The following ARHGEF33 variants were observed in gnomAD, a reference collection of about 807,000 sequenced individuals.
ARHGEF33 encodes the protein DH and coiled-coil domain-containing protein ENSP00000381780.
Under a neutral mutation model 101.9 loss-of-function variants are expected in ARHGEF33, and 72 were observed. That is an observed-to-expected ratio of 0.71 (90% CI 0.58 to 0.86). The LOEUF (loss-of-function observed/expected upper bound fraction) is 0.86. Ranked by LOEUF, ARHGEF33 falls within the 40% of genes least tolerant of loss-of-function variation. ARHGEF33 has a pLI of 0.00. For missense variants in ARHGEF33, 1,169 were observed against 1,111.3 expected (o/e 1.05, Z -0.74); for synonymous variants, 499 against 442.5 (o/e 1.13, Z -1.60).
chr2:38,919,586 TATC>T lies in ARHGEF33; in HGVS notation c.25+120_25+122del, dbSNP rs1211316158. 15 of 1,063,852 alleles carry T rather than the reference TATC, an allele frequency of 1.4e-5. No individual in the cohort carries two copies. In the African/African-American group the frequency reaches 2.0e-4, roughly 15 times the overall value. The allele number at this position is 1,063,852 out of a possible 1,614,324, so 65.9% of individuals were successfully genotyped here. On this transcript the variant is annotated intron_variant, in intron 3 of 17. Coordinates refer to ENST00000409978, the MANE Select transcript of ARHGEF33 (RefSeq NM_001145451.5). ...AGTATGTTAACTATTTTCATTTCCC[TATC>T]ATCATATAATGACTATGAAGAATAT...
intron 3 of ARHGEF33, 120 bp downstream of exon 3, chr2:38,919,592 CAT>C: frequency 1.9e-6 from 2 of 1,026,018 alleles, no homozygotes; most frequent in Admixed American, 4.1e-5. Flanking sequence ...TCCCTATCAT[CAT>C]ATAATGACTA....
Position 38,960,231 on chromosome 2 carries a change from C to G in ARHGEF33, c.1926C>G (p.Asn642Lys), listed in dbSNP as rs1218234261. 6.5e-7 allele frequency: 1 copy of G among 1,547,754 alleles called. No individual in the cohort carries two copies. Among genetic ancestry groups the G allele is most frequent in the Admixed American group, 2.0e-5 (1 of 50,924 alleles). Residue 642 changes from asparagine to lysine, a missense_variant, in exon 16 of 18, where the codon AAC (asparagine) becomes AAG (lysine). Asn to Lys is a moderately conservative substitution (Grantham distance 94, BLOSUM62 0). Transcript: ENST00000409978. ...EPFQAPALFE[N>K]CSPASSESSL... is the part of the protein sequence containing the mutation. ...TCCAGGCTCCGGCCCTCTTCGAGAA[C>G]TGCTCGCCTGCCTCCTCCGAGTCCA...
intron 9 of ARHGEF33, among the ~76,000 whole-genome samples, chr2:38,941,929 C>A (rs914367582): frequency 6.6e-6 from 1 of 151,368 alleles, no homozygotes; most frequent in Admixed American, 6.6e-5. Context: ...TGTGATATGC[C>A]TTGTAATGAT....
chr2:38,906,609 A>C (rs1666397088), intron 2 of ARHGEF33, among the ~76,000 whole-genome samples: 1 of 152,038 alleles, frequency 6.6e-6, no homozygotes, highest in Non-Finnish European at 1.5e-5. Context: ...TGATCAACAA[A>C]AATGTTGACT....
At position 38,898,746 on chromosome 2, in the gene ARHGEF33, T is replaced by C. The variant is rs1479498995; in HGVS notation, c.-86+2897T>C. Among the ~76,000 whole-genome samples the C allele has an allele frequency of 2.0e-5, 3 of 152,340 alleles. 1 individual carries two copies. The highest frequency in any genetic ancestry group is 2.0e-4 in the Admixed American group (3 of 15,300). ...TCATAAAGTCTCAAGGATATTTCACTTGATAAATACATCTTATTTATTATT... is the reference window on the plus strand; with the variant it reads ...TCATAAAGTCTCAAGGATATTTCACCTGATAAATACATCTTATTTATTATT... On this transcript the variant is annotated intron_variant, in intron 2 of 17. Transcript: ENST00000409978.
At chr2:38,915,774 C>T (rs1193037039) in intron 2 of ARHGEF33, among the ~76,000 whole-genome samples, 1 of 152,102 alleles carries the variant, frequency 6.6e-6, no homozygotes, top group Non-Finnish European at 1.5e-5. Context: ...TGCCTGTAAT[C>T]CCAACATTTT....
At position 38,911,385 on chromosome 2, in the gene ARHGEF33, CAA is replaced by C. The variant is rs150789875; in HGVS notation, c.-85-7977_-85-7976del. ...AAGGACACTGAAATGGAAATTAACT[CAA>C]GTCTGCTTTCAATTAATTTCAATTC... On this transcript the variant is annotated intron_variant, in intron 2 of 17. Coordinates refer to ENST00000409978, the MANE Select transcript of ARHGEF33 (RefSeq NM_001145451.5). 8.2e-3 allele frequency among the ~76,000 whole-genome samples: 1,241 copies of C among 152,234 alleles called. 17 individuals carry two copies. The highest frequency in any genetic ancestry group is 0.029 in the African/African-American group (1,210 of 41,514).
chr2:38,947,597 C>T (rs150836743), intron 10 of ARHGEF33, among the ~76,000 whole-genome samples: 2 of 152,326 alleles, frequency 1.3e-5, no homozygotes, highest in South Asian at 2.1e-4. Flanking sequence ...ATTATAAAGA[C>T]GGTGTCTTGC....
At chr2:38,905,080 C>T (rs1423158946) in intron 2 of ARHGEF33, among the ~76,000 whole-genome samples, 1 of 151,858 alleles carries the variant, frequency 6.6e-6, no homozygotes, top group Non-Finnish European at 1.5e-5. Flanking sequence ...GTTAAAGATA[C>T]CAATGTGATT....
intron 2 of ARHGEF33, among the ~76,000 whole-genome samples, chr2:38,909,705 GATT>G (rs746303830): frequency 2.1e-4 from 18 of 86,572 alleles, no homozygotes; most frequent in African/African-American, 4.8e-4. Context: ...ATTCAAGGAT[GATT>G]TTTTTTTTTT....
At chr2:38,911,659 C>G (rs192386838) in intron 2 of ARHGEF33, among the ~76,000 whole-genome samples, 46 of 152,286 alleles carry the variant, frequency 3.0e-4, no homozygotes, top group African/African-American at 1.0e-3. Flanking sequence ...ATTCTTATTT[C>G]TCTATATCAA....
intron 6 of ARHGEF33, among the ~76,000 whole-genome samples, chr2:38,930,568 A>T (rs1228584348): frequency 1.3e-5 from 2 of 151,328 alleles, no homozygotes; most frequent in Non-Finnish European, 2.9e-5. Context: ...CTGGTCTTGA[A>T]CTCCTGGGCT....
chr2:38,920,089 T>C (rs950819660), intron 3 of ARHGEF33, among the ~76,000 whole-genome samples: 2 of 152,230 alleles, frequency 1.3e-5, no homozygotes, highest in African/African-American at 4.8e-5. Context: ...AATTCTGGGC[T>C]AAGGTTATGT....
At chr2:38,921,131 C>T (rs955598007) in intron 3 of ARHGEF33, among the ~76,000 whole-genome samples, 2 of 152,206 alleles carry the variant, frequency 1.3e-5, no homozygotes, top group African/African-American at 4.8e-5. Context: ...AACTTCCCTA[C>T]TGTAGTAGAA....
At chr2:38,973,680 C>A (rs1668214427) in intron 17 of ARHGEF33, 34 bp from the exon 18 acceptor site, 2 of 1,457,434 alleles carry the variant, frequency 1.4e-6, no homozygotes, top group South Asian at 1.4e-5. Context: ...AAAACCAAAT[C>A]AACCTGTACT....
intron 17 of ARHGEF33, among the ~76,000 whole-genome samples, chr2:38,972,680 C>T (rs1472650091): frequency 1.3e-5 from 2 of 152,114 alleles, no homozygotes; most frequent in Non-Finnish European, 2.9e-5. Flanking sequence ...AAATGATAGT[C>T]ATGATTAACT....
chr2:38,958,276 C>G, intron 15 of ARHGEF33, 78 bp downstream of exon 15: 1 of 1,497,094 alleles, frequency 6.7e-7, no homozygotes, highest in Non-Finnish European at 9.0e-7. Flanking sequence ...AGCAGGGCAG[C>G]CTAGATTCCT....
Position 38,960,339 on chromosome 2 carries a change from G to C in ARHGEF33, c.2034G>C (p.Lys678Asn), listed in dbSNP as rs921632785. 1.1e-5 allele frequency: 17 copies of C among 1,537,550 alleles called. No homozygotes were observed. Among genetic ancestry groups the C allele is most frequent in the Middle Eastern group, 1.9e-4 (1 of 5,342 alleles). The part of the protein sequence containing the change: ...RPEHPLQPLP[K>N]SATSPAGSSS... ...AGCACCCGCTGCAGCCGCTGCCCAA[G>C]AGCGCTACGTCGCCGGCGGGCAGCA... Residue 678 changes from lysine to asparagine, a missense_variant, in exon 16 of 18, where the codon AAG becomes AAC. Coordinates refer to ENST00000409978, the MANE Select transcript of ARHGEF33 (RefSeq NM_001145451.5).
chr2:38,931,001 T>C (rs1441362485), intron 6 of ARHGEF33, 108 bp from the exon 7 acceptor site: 21 of 861,532 alleles, frequency 2.4e-5, no homozygotes, highest in Non-Finnish European at 3.2e-5. Flanking sequence ...TTTATATAGT[T>C]CAACCTAATA....
Sources: allele counts gnomAD v4.1 joint callset (sites outside exome capture counted in the v4.1 genomes callset), GRCh38; gene constraint gnomAD v4.1.1; transcripts MANE v1.5; gene names NCBI Gene and HGNC (gene_info 2026-07-23, HGNC 2026-07-21).